DLGAP1: variants seen among roughly 807,000 people sequenced by gnomAD.
DLGAP1 encodes disks large-associated protein 1.
In DLGAP1, 11 loss-of-function variants were observed where a neutral mutation model predicts 90.8. The ratio of observed to expected loss-of-function variants is 0.12; its 90% confidence interval spans 0.08 to 0.20. The LOEUF (loss-of-function observed/expected upper bound fraction) is 0.20, where lower values mean the gene tolerates loss of function less well. Among genes scored for constraint, DLGAP1 ranks in the 10% least tolerant of loss-of-function variants. The pLI is 1.00. For missense variants in DLGAP1, 1,050 were observed against 1,333.8 expected (o/e 0.79, Z 3.31); for synonymous variants, 558 against 540.7 (o/e 1.03, Z -0.44).
rs543723622 is a variant in DLGAP1 at position 4,196,761 on chromosome 18, C to T, written c.-266-45474G>A. 2.0e-5 allele frequency among the ~76,000 whole-genome samples: 3 copies of T among 152,328 alleles called. No individual in the cohort carries two copies. The East Asian group carries it at 5.8e-4, about 29-fold the overall frequency. ...GTGTATACATTTATTTCATTTTTCT[C>T]ACTTCTATCTCATTTAATTACAGAG... is the stretch of plus-strand genomic sequence containing the variant. On this transcript the variant is annotated intron_variant, in intron 1 of 12. Coordinates refer to ENST00000315677, the MANE Select transcript of DLGAP1 (RefSeq NM_004746.4).
chr18:3,801,493 A>C (rs1307034113), intron 5 of DLGAP1, among the ~76,000 whole-genome samples: 5 of 152,164 alleles, frequency 3.3e-5, no homozygotes, highest in Admixed American at 6.5e-5. Flanking sequence ...GGTTGATAAC[A>C]TGGGCTCTGA....
At chr18:4,215,751 T>C (rs2077941082) in intron 1 of DLGAP1, among the ~76,000 whole-genome samples, 1 of 152,104 alleles carries the variant, frequency 6.6e-6, no homozygotes, top group South Asian at 2.1e-4. Context: ...GGTGTGTTTT[T>C]AAAACAAGCA....
chr18:3,818,346 GTTTTTTTTTTTTTTT>G (rs398031872), intron 4 of DLGAP1, among the ~76,000 whole-genome samples: 1 of 66,456 alleles, frequency 1.5e-5, no homozygotes, highest in African/African-American at 6.2e-5. Context: ...TGTAGGGATG[GTTTTTTTTTTTTTTT>G]TTTTTTTTTT....
chr18:3,961,024 T>C (rs2073186698), intron 3 of DLGAP1, among the ~76,000 whole-genome samples: 1 of 152,196 alleles, frequency 6.6e-6, no homozygotes, highest in Non-Finnish European at 1.5e-5. Flanking sequence ...GGCTGGCTTG[T>C]TCTCTTCCTG....
rs1279398849 is a variant in DLGAP1, at chr18:4,378,375, T to C, written c.-267+76631A>G. Among the ~76,000 whole-genome samples, 8 of 152,092 alleles carry C rather than the reference T, an allele frequency of 5.3e-5. No individual in the cohort carries two copies. The highest frequency in any genetic ancestry group is 1.9e-4 in the East Asian group (1 of 5,188). ...ATGTTAACAGGACCAATGCAATACA[T>C]TATAACTTTTTAACGACAAAATCAT... On this transcript the variant is annotated intron_variant, in intron 1 of 12. Coordinates refer to ENST00000315677, the MANE Select transcript of DLGAP1 (RefSeq NM_004746.4). This position sits in a 1 kb window ranked among gnomAD's most constrained non-coding sequence, Gnocchi z 4.5.
intron 1 of DLGAP1, among the ~76,000 whole-genome samples, chr18:4,370,098 TAA>T (rs1274302116): frequency 2.0e-5 from 3 of 152,026 alleles, no homozygotes; most frequent in Non-Finnish European, 4.4e-5. Context: ...ACACAGGTAA[TAA>T]GGCTATAGGT....
chr18:3,528,191 C>A (rs1003979375), intron 10 of DLGAP1, among the ~76,000 whole-genome samples: 1 of 152,126 alleles, frequency 6.6e-6, no homozygotes, highest in African/African-American at 2.4e-5. Flanking sequence ...TGAAACATCC[C>A]TTGGCTTGGC....
chr18:3,636,034 C>T (rs548181033), intron 7 of DLGAP1, among the ~76,000 whole-genome samples: 10 of 151,552 alleles, frequency 6.6e-5, no homozygotes, highest in Non-Finnish European at 1.5e-4. Context: ...GACAGTTGGG[C>T]CCTTTATCTT....
intron 1 of DLGAP1, among the ~76,000 whole-genome samples, chr18:4,253,694 G>A (rs1201212483): frequency 1.3e-5 from 2 of 152,190 alleles, no homozygotes; most frequent in Admixed American, 1.3e-4. Flanking sequence ...ATAGGCGTGA[G>A]TCACTGTGCC....
chr18:3,871,235 A>G (rs2070731289), intron 4 of DLGAP1, among the ~76,000 whole-genome samples: 1 of 152,242 alleles, frequency 6.6e-6, no homozygotes, highest in Non-Finnish European at 1.5e-5. Context: ...AAATTGGACT[A>G]AATAATTTCA....
At chr18:3,705,939 G>A (rs368783455) in intron 7 of DLGAP1, among the ~76,000 whole-genome samples, 21 of 150,390 alleles carry the variant, frequency 1.4e-4, no homozygotes, top group Non-Finnish European at 2.5e-4. Flanking sequence ...GATTACAGGC[G>A]TGAGCCACCG....
rs543680982 is a variant in DLGAP1, at chr18:3,562,500, TA to T, written c.2057+4989del. Among the ~76,000 whole-genome samples, 128 of 151,652 alleles carry T rather than the reference TA, an allele frequency of 8.4e-4. 1 individual carries two copies. The highest frequency in any genetic ancestry group is 3.0e-3 in the African/African-American group (126 of 41,322). On this transcript the variant is annotated intron_variant, in intron 9 of 12. Coordinates refer to ENST00000315677, the MANE Select transcript of DLGAP1 (RefSeq NM_004746.4). ...TGGGTCTCATGAGATCTGATGGCTT[TA>T]AAAATGGGAATTTCCCTGCAGAAGC...
intron 3 of DLGAP1, chr18:3,962,238 T>C (rs1316179192): frequency 6.6e-6 from 1 of 152,240 alleles, no homozygotes; most frequent in African/African-American, 2.4e-5. Context: ...TCCCTAGTTA[T>C]TCTTTCAGAA....
chr18:4,089,871 C>G (rs1041562064), intron 2 of DLGAP1, among the ~76,000 whole-genome samples: 8 of 152,124 alleles, frequency 5.3e-5, no homozygotes, highest in Non-Finnish European at 7.3e-5. Flanking sequence ...CGGTGAAACC[C>G]CGTCTCTACT....
At chr18:3,724,562 G>C (rs1453128934) in intron 7 of DLGAP1, among the ~76,000 whole-genome samples, 1 of 151,784 alleles carries the variant, frequency 6.6e-6, no homozygotes, top group Non-Finnish European at 1.5e-5. Flanking sequence ...TGGCCAACAT[G>C]GTGAAACCCC....
chr18:3,596,236 T>C (rs904710976), intron 7 of DLGAP1, among the ~76,000 whole-genome samples: 1 of 152,128 alleles, frequency 6.6e-6, no homozygotes, highest in Non-Finnish European at 1.5e-5. Context: ...CTCGGCTCAC[T>C]GCAACCTCCG....
chr18:3,699,270 T>C (rs1387933018), intron 7 of DLGAP1, among the ~76,000 whole-genome samples: 3 of 152,212 alleles, frequency 2.0e-5, no homozygotes, highest in Non-Finnish European at 4.4e-5. Context: ...TTTTTCCTCA[T>C]CTTCGTGGAT....
intron 2 of DLGAP1, among the ~76,000 whole-genome samples, chr18:4,124,698 G>C (rs2076205805): frequency 1.3e-5 from 2 of 152,178 alleles, no homozygotes; most frequent in African/African-American, 4.8e-5. Context: ...AGGAATAAAA[G>C]TATTGACTCA....
At chr18:4,346,967 G>A (rs2081312100) in intron 1 of DLGAP1, among the ~76,000 whole-genome samples, 1 of 151,600 alleles carries the variant, frequency 6.6e-6, no homozygotes, top group African/African-American at 2.4e-5. Flanking sequence ...ACCTTGATCA[G>A]AAAACAAAAG....
Sources: allele counts gnomAD v4.1 joint callset (sites outside exome capture counted in the v4.1 genomes callset), GRCh38; gene constraint gnomAD v4.1.1; non-coding constraint Gnocchi (gnomAD v3.1); transcripts MANE v1.5; gene names NCBI Gene and HGNC (gene_info 2026-07-23, HGNC 2026-07-21).